DEXI: variants seen among roughly 807,000 people sequenced by gnomAD.
The protein encoded by DEXI is Dexi homolog.
A neutral mutation model predicts 2.5 loss-of-function variants in DEXI; 2 were observed. That is an observed-to-expected ratio of 0.81 (90% CI 0.33 to 2.55). The LOEUF (loss-of-function observed/expected upper bound fraction) is 2.55, where lower values mean the gene tolerates loss of function less well. DEXI is among the 30% of genes most tolerant of loss of function. The pLI is 0.11. For missense variants in DEXI, 108 were observed against 130.3 expected (o/e 0.83, Z 0.83); for synonymous variants, 71 against 68.7 (o/e 1.03, Z -0.17).
In DEXI at chr16:10,941,514, C is replaced by T. The variant is rs2041101811; in HGVS notation, c.*149+55G>A. ...GTGTATCCGGCCTGGGAATTCCTCCCTCTCCCTTGCTAGCGCCCCAACCCG... is the reference window on the plus strand; with the variant it reads ...GTGTATCCGGCCTGGGAATTCCTCCTTCTCCCTTGCTAGCGCCCCAACCCG... On this transcript the variant is annotated intron_variant, in intron 1 of 1. Transcript: ENST00000331808. The surrounding 1 kb of genome is among the most constrained non-coding windows in gnomAD (Gnocchi z 6.4). 8 of 1,388,428 alleles carry T rather than the reference C, an allele frequency of 5.8e-6. No individual in the cohort carries two copies. Among genetic ancestry groups the T allele is most frequent in the Non-Finnish European group, 7.5e-6 (8 of 1,068,164 alleles). The allele number at this position is 1,388,428 out of a possible 1,614,324, so 86.0% of individuals were successfully genotyped here.
Position 10,938,748 on chromosome 16 carries a change from G to A in DEXI, c.*149+2821C>T, listed in dbSNP as rs2041063214. ...GTGCATGGCTTCCACCACTTCTCCA[G>A]GCCTCCCCACTTCCCAGGGTCAGGC... On this transcript the variant is annotated intron_variant, in intron 1 of 1. Transcript: ENST00000331808. The surrounding 1 kb of genome is among the most constrained non-coding windows in gnomAD (Gnocchi z 4.9). 1 of 152,200 alleles carries A rather than the reference G, an allele frequency of 6.6e-6. No individual in the cohort carries two copies. The highest frequency in any genetic ancestry group is 6.5e-5 in the Admixed American group (1 of 15,278). 9.4% of individuals were successfully genotyped at this position (152,200 alleles called of 1,614,324 possible).
chr16:10,936,290 G>C lies in DEXI; in HGVS notation c.*149+5279C>G, dbSNP rs565337908. The C allele has an allele frequency of 2.6e-5, 4 of 152,232 alleles. No homozygotes were observed. In the East Asian group the frequency reaches 7.7e-4, roughly 29 times the overall value. 9.4% of individuals were successfully genotyped at this position (152,232 alleles called of 1,614,324 possible). A position where few individuals can be genotyped will look rare whatever the true frequency, so the allele number is the denominator to read the frequency against. ...TGTAGATGAGATTGGTCATAGGATTGTATAGTGTATCAATATTAGATTTGC... is the reference window on the plus strand; with the variant it reads ...TGTAGATGAGATTGGTCATAGGATTCTATAGTGTATCAATATTAGATTTGC... On this transcript the variant is annotated intron_variant, in intron 1 of 1. Coordinates refer to ENST00000331808, the MANE Select transcript of DEXI (RefSeq NM_014015.4).
rs1440507245 is a variant in DEXI at position 10,941,723 on chromosome 16, C to G, written c.283G>C (p.Glu95Gln). 6.2e-7 allele frequency: 1 copy of G among 1,608,154 alleles called. No homozygotes were observed. Among genetic ancestry groups the G allele is most frequent in the Non-Finnish European group, 8.5e-7 (1 of 1,177,048 alleles). The change falls in exon 1 of 2, where the codon GAG (glutamate) becomes CAG (glutamine). Residue 95 changes from glutamate (E) to glutamine (Q), a missense_variant. Transcript: ENST00000331808. The surrounding 1 kb of genome is among the most constrained non-coding windows in gnomAD (Gnocchi z 6.4). Reference sequence around the variant, plus strand: ...GGGGAACAGCAGTCGAGACCCTACTCCAAGTACGCATCAAAGACGTCGAGC... The same window carrying G: ...GGGGAACAGCAGTCGAGACCCTACTGCAAGTACGCATCAAAGACGTCGAGC... ...SELDVFDAYL[E>Q]
Position 10,941,522 on chromosome 16 carries a change from T to A in DEXI, c.*149+47A>T. 1 of 1,397,308 alleles carries A rather than the reference T, an allele frequency of 7.2e-7. No homozygotes were observed. Among genetic ancestry groups the A allele is most frequent in the South Asian group, 1.7e-5 (1 of 59,960 alleles). 86.6% of individuals were successfully genotyped at this position (1,397,308 alleles called of 1,614,324 possible). On this transcript the variant is annotated intron_variant, in intron 1 of 1. Transcript: ENST00000331808. The surrounding 1 kb of genome is among the most constrained non-coding windows in gnomAD (Gnocchi z 6.4). Reference sequence around the variant, plus strand: ...GGCCTGGGAATTCCTCCCTCTCCCTTGCTAGCGCCCCAACCCGCCCTCATC... The same window carrying A: ...GGCCTGGGAATTCCTCCCTCTCCCTAGCTAGCGCCCCAACCCGCCCTCATC...
chr16:10,941,519 C>T lies in DEXI; in HGVS notation c.*149+50G>A. 1 of 1,396,038 alleles carries T rather than the reference C, an allele frequency of 7.2e-7. No homozygotes were observed. The highest frequency in any genetic ancestry group is 9.3e-7 in the Non-Finnish European group (1 of 1,072,162). 86.5% of individuals were successfully genotyped at this position (1,396,038 alleles called of 1,614,324 possible). ...TCCGGCCTGGGAATTCCTCCCTCTCCCTTGCTAGCGCCCCAACCCGCCCTC... is the reference window on the plus strand; with the variant it reads ...TCCGGCCTGGGAATTCCTCCCTCTCTCTTGCTAGCGCCCCAACCCGCCCTC... On this transcript the variant is annotated intron_variant, in intron 1 of 1. Coordinates refer to ENST00000331808, the MANE Select transcript of DEXI (RefSeq NM_014015.4). This position sits in a 1 kb window ranked among gnomAD's most constrained non-coding sequence, Gnocchi z 6.4.
In DEXI at chr16:10,941,948, C is replaced by T. The variant is rs1220704533; in HGVS notation, c.58G>A (p.Val20Met). The T allele has an allele frequency of 1.9e-6, 3 of 1,575,338 alleles. No individual in the cohort carries two copies. Among genetic ancestry groups the T allele is most frequent in the South Asian group, 2.3e-5 (2 of 87,048 alleles). Residue 20 changes from valine to methionine, a missense_variant, in exon 1 of 2, where the codon GTG (valine) becomes ATG (methionine). Val to Met is a conservative substitution (Grantham distance 21, BLOSUM62 1). Coordinates refer to ENST00000331808, the MANE Select transcript of DEXI (RefSeq NM_014015.4). This position sits in a 1 kb window ranked among gnomAD's most constrained non-coding sequence, Gnocchi z 6.4. ...LDALGPLVPY[V>M]PPPLLPSMFY... is the part of the protein sequence containing the mutation. ...ATAGAGGGCAGCAGCGGCGGCGGCA[C>T]GTAGGGGACCAGGGGGCCCAGTGCG...
intron 1 of DEXI, chr16:10,933,844 G>T (rs1411807145): frequency 6.6e-6 from 1 of 152,174 alleles, no homozygotes; most frequent in African/African-American, 2.4e-5. Context: ...CCCTACTCAC[G>T]CAGCCATTCT....
At position 10,941,728 on chromosome 16, in the gene DEXI, T is replaced by C. The variant is rs1471102141; in HGVS notation, c.278A>G (p.Tyr93Cys). The C allele has an allele frequency of 1.7e-5, 27 of 1,608,870 alleles. No individual in the cohort carries two copies. Among genetic ancestry groups the C allele is most frequent in the Non-Finnish European group, 2.3e-5 (27 of 1,177,420 alleles). ...ADSELDVFDA[Y>C]LE ...ACAGCAGTCGAGACCCTACTCCAAG[T>C]ACGCATCAAAGACGTCGAGCTCCGA... The change falls in exon 1 of 2, where the codon TAC becomes TGC. Residue 93 changes from tyrosine (Y) to cysteine (C), a missense_variant. Tyr to Cys is a radical substitution (Grantham distance 194). Transcript: ENST00000331808. The surrounding 1 kb of genome is among the most constrained non-coding windows in gnomAD (Gnocchi z 6.4).
rs751768131 is a variant in DEXI, at chr16:10,937,448, T to C, written c.*149+4121A>G. 4 of 152,358 alleles carry C rather than the reference T, an allele frequency of 2.6e-5. No homozygotes were observed. Among genetic ancestry groups the C allele is most frequent in the African/African-American group, 9.7e-5 (4 of 41,432 alleles). The allele number at this position is 152,358 out of a possible 1,614,324, so 9.4% of individuals were successfully genotyped here. ...ACAGATTGGCAAGGAGGGACCAGGT[T>C]AGGAAGGAGCAGCTGTGGTTCCTAG... On this transcript the variant is annotated intron_variant, in intron 1 of 1. Coordinates refer to ENST00000331808, the MANE Select transcript of DEXI (RefSeq NM_014015.4). This position sits in a 1 kb window ranked among gnomAD's most constrained non-coding sequence, Gnocchi z 4.2.
Position 10,938,612 on chromosome 16 carries a change from G to A in DEXI, c.*149+2957C>T, listed in dbSNP as rs558806231. ...AGATCATCTTGAGGTCTTTCCTGGC[G>A]GCTTCCCTGCTGCTAGCTACCCCTC... is the stretch of plus-strand genomic sequence containing the variant. On this transcript the variant is annotated intron_variant, in intron 1 of 1. Coordinates refer to ENST00000331808, the MANE Select transcript of DEXI (RefSeq NM_014015.4). The surrounding 1 kb of genome is among the most constrained non-coding windows in gnomAD (Gnocchi z 4.9). 11 of 152,270 alleles carry A rather than the reference G, an allele frequency of 7.2e-5. No homozygotes were observed. Among genetic ancestry groups the A allele is most frequent in the African/African-American group, 1.9e-4 (8 of 41,548 alleles). The allele number at this position is 152,270 out of a possible 1,614,324, so 9.4% of individuals were successfully genotyped here. A position where few individuals can be genotyped will look rare whatever the true frequency, so the allele number is the denominator to read the frequency against.
Position 10,942,278 on chromosome 16 carries a change from C to T in DEXI, c.-273G>A. 4 of 328,754 alleles carry T rather than the reference C, an allele frequency of 1.2e-5. No homozygotes were observed. Among genetic ancestry groups the T allele is most frequent in the Non-Finnish European group, 2.2e-5 (4 of 179,418 alleles). 20.4% of individuals were successfully genotyped at this position (328,754 alleles called of 1,614,324 possible). The stretch of plus-strand genomic sequence containing the variant: ...GAAGTGGCCCGCGGCTGCCCGGCTC[C>T]CTCGTGGCGCCTCCCTGGCGCTCGC... On this transcript the variant is annotated 5_prime_UTR_variant, in exon 1 of 2. Transcript: ENST00000331808. This position sits in a 1 kb window ranked among gnomAD's most constrained non-coding sequence, Gnocchi z 5.0.
At chr16:10,935,473 C>G (rs1439444418) in intron 1 of DEXI, 2 of 152,134 alleles carry the variant, frequency 1.3e-5, no homozygotes, top group Non-Finnish European at 2.9e-5. Context: ...TTTATCCATG[C>G]CAAGCGATGA....
chr16:10,940,313 G>A lies in DEXI; in HGVS notation c.*149+1256C>T, dbSNP rs2145441290. ...TGGGATTAATGCCCTTATAAGAACA[G>A]TAAGAGATAAATGTTTAAGTCCCCC... On this transcript the variant is annotated intron_variant, in intron 1 of 1. Coordinates refer to ENST00000331808, the MANE Select transcript of DEXI (RefSeq NM_014015.4). This position sits in a 1 kb window ranked among gnomAD's most constrained non-coding sequence, Gnocchi z 4.2. The A allele has an allele frequency of 6.6e-6, 1 of 152,336 alleles. No homozygotes were observed. The highest frequency in any genetic ancestry group is 2.4e-5 in the African/African-American group (1 of 41,568). 9.4% of individuals were successfully genotyped at this position (152,336 alleles called of 1,614,324 possible). A position where few individuals can be genotyped will look rare whatever the true frequency, so the allele number is the denominator to read the frequency against.
intron 1 of DEXI, chr16:10,931,293 A>T (rs985971981): frequency 6.5e-6 from 1 of 152,746 alleles, no homozygotes; most frequent in African/African-American, 2.4e-5. Context: ...CCTGGGTGAC[A>T]GAGACCCTGT....
chr16:10,929,660 G>A lies in DEXI; in HGVS notation c.*150-101C>T, dbSNP rs1451462806. The A allele has an allele frequency of 7.1e-6, 5 of 701,144 alleles. No individual in the cohort carries two copies. The highest frequency in any genetic ancestry group is 1.9e-5 in the African/African-American group (1 of 51,456). The allele number at this position is 701,144 out of a possible 1,614,324, so 43.4% of individuals were successfully genotyped here. A position where few individuals can be genotyped will look rare whatever the true frequency, so the allele number is the denominator to read the frequency against. The stretch of plus-strand genomic sequence containing the variant: ...AATCCACCAGGCTCGGGAGGCTTGG[G>A]GTGGGGCAGGGAAGTCTTCCTCCAT... On this transcript the variant is annotated intron_variant, in intron 1 of 1. Transcript: ENST00000331808. The surrounding 1 kb of genome is among the most constrained non-coding windows in gnomAD (Gnocchi z 4.3).
intron 1 of DEXI, chr16:10,933,179 C>T (rs1047109190): frequency 1.3e-5 from 2 of 152,224 alleles, no homozygotes; most frequent in African/African-American, 4.8e-5. Flanking sequence ...TCATTCCAGC[C>T]ATTCCCCAGA....
chr16:10,941,464 C>T lies in DEXI; in HGVS notation c.*149+105G>A, dbSNP rs1465641428. On this transcript the variant is annotated intron_variant, in intron 1 of 1. Coordinates refer to ENST00000331808, the MANE Select transcript of DEXI (RefSeq NM_014015.4). The surrounding 1 kb of genome is among the most constrained non-coding windows in gnomAD (Gnocchi z 6.4). The stretch of plus-strand genomic sequence containing the variant: ...TCCAGTTAGACCTGGAGGAGGTGAA[C>T]GGAGGAGAAGCCTGAGGGAGGGGTG... 1 of 1,164,886 alleles carries T rather than the reference C, an allele frequency of 8.6e-7. No homozygotes were observed. The highest frequency in any genetic ancestry group is 1.1e-6 in the Non-Finnish European group (1 of 899,892). 72.2% of individuals were successfully genotyped at this position (1,164,886 alleles called of 1,614,324 possible).
chr16:10,936,610 T>G (rs986209657), intron 1 of DEXI: 5 of 152,186 alleles, frequency 3.3e-5, no homozygotes, highest in African/African-American at 1.2e-4. Context: ...AGGTTTTTGT[T>G]TGTTTGTTTG....
intron 1 of DEXI, chr16:10,936,175 T>C (rs1949064106): frequency 6.6e-6 from 1 of 152,038 alleles, no homozygotes; most frequent in Non-Finnish European, 1.5e-5. Flanking sequence ...TTCCTACTTT[T>C]TGTAGAGACG....
Sources: gnomAD v4.1 joint callset for allele counts on GRCh38, gnomAD v4.1.1 for gene constraint, Gnocchi (gnomAD v3.1) non-coding constraint, MANE v1.5 for transcripts, NCBI Gene and HGNC (gene_info 2026-07-23, HGNC 2026-07-21) for gene names.